Variants in LRP6 observed in about 807,000 individuals in gnomAD.
LRP6 encodes LDL receptor related protein 6.
A neutral mutation model predicts 184.1 loss-of-function variants in LRP6; 43 were observed. That is an observed-to-expected ratio of 0.23 (90% CI 0.18 to 0.30). The LOEUF (loss-of-function observed/expected upper bound fraction) is 0.30, where lower values mean the gene tolerates loss of function less well. Ranked by LOEUF, LRP6 falls within the 10% of genes least tolerant of loss-of-function variation. LRP6 has a pLI of 1.00. For synonymous variants in LRP6, 719 were observed against 684.9 expected (o/e 1.05, Z -0.78); for missense variants, 1,571 against 2,005.3 (o/e 0.78, Z 4.14).
chr12:12,266,349 T>C (rs1865759726), intron 1 of LRP6, among the ~76,000 whole-genome samples: 1 of 152,100 alleles, frequency 6.6e-6, no homozygotes, highest in Non-Finnish European at 1.5e-5. Context: ...AAGACCCTTT[T>C]CCCTGGAAGA....
chr12:12,240,219 T>C (rs910317393), intron 2 of LRP6, among the ~76,000 whole-genome samples: 4 of 152,180 alleles, frequency 2.6e-5, no homozygotes, highest in African/African-American at 9.7e-5. Flanking sequence ...TCCAAACATA[T>C]GTGAATCTAT....
intron 1 of LRP6, chr12:12,249,242 A>G (rs898182398): frequency 1.1e-6 from 1 of 901,220 alleles, no homozygotes; most frequent in Non-Finnish European, 1.8e-6. Context: ...TAAGATTTGT[A>G]ACAAAAAATT....
Position 12,183,960 on chromosome 12 carries a change from T to C in LRP6, c.976+20A>G. The C allele has an allele frequency of 6.2e-7, 1 of 1,610,472 alleles. No individual in the cohort carries two copies. Among genetic ancestry groups the C allele is most frequent in the Non-Finnish European group, 8.5e-7 (1 of 1,177,126 alleles). ...TTCCAATAGTTATAAAATTTTTCAT[T>C]TTGGATAATATCTTCTTACCATCTT... is the stretch of plus-strand genomic sequence containing the variant. On this transcript the variant is annotated intron_variant, in intron 5 of 22. Transcript: ENST00000261349.
chr12:12,155,209 A>AACAG, intron 12 of LRP6: 1 of 637,942 alleles, frequency 1.6e-6, no homozygotes, highest in Non-Finnish European at 2.9e-6. Flanking sequence ...CAAACAAACA[A>AACAG]ACAAACAAAA....
rs1365490176 is a variant in LRP6, at chr12:12,116,533, A to G, written c.*4593T>C. The G allele has an allele frequency of 6.6e-6, 1 of 152,170 alleles. No individual in the cohort carries two copies. Among genetic ancestry groups the G allele is most frequent in the Non-Finnish European group, 1.5e-5 (1 of 68,040 alleles). The allele number at this position is 152,170 out of a possible 1,614,324, so 9.4% of individuals were successfully genotyped here. A position where few individuals can be genotyped will look rare whatever the true frequency, so the allele number is the denominator to read the frequency against. On this transcript the variant is annotated 3_prime_UTR_variant, in exon 23 of 23. Coordinates refer to ENST00000261349, the MANE Select transcript of LRP6 (RefSeq NM_002336.3). ...ATATAGAATATGTATCTATATATAAATATATCTCTATCGCCCATCCTGCTT... is the reference window on the plus strand; with the variant it reads ...ATATAGAATATGTATCTATATATAAGTATATCTCTATCGCCCATCCTGCTT...
intron 15 of LRP6, among the ~76,000 whole-genome samples, chr12:12,139,361 A>G (rs938323237): frequency 2.6e-5 from 4 of 152,236 alleles, no homozygotes; most frequent in African/African-American, 9.6e-5. Context: ...CTGAGTCAAC[A>G]TTCAGATGGT....
At chr12:12,134,117 TAGTTCGAC>T (rs1591870799) in intron 17 of LRP6, among the ~76,000 whole-genome samples, 1 of 152,308 alleles carries the variant, frequency 6.6e-6, no homozygotes, top group East Asian at 1.9e-4. Context: ...AAAAAACTTA[TAGTTCGAC>T]GAATAAAATT....
At chr12:12,248,714 TC>T (rs1284648808) in intron 1 of LRP6, among the ~76,000 whole-genome samples, 1 of 152,034 alleles carries the variant, frequency 6.6e-6, no homozygotes, top group Admixed American at 6.6e-5. Flanking sequence ...TCTCCTGACC[TC>T]GTGATCCGCC....
rs145550760 is a variant in LRP6, at chr12:12,264,287, A to G, written c.55+2394T>C. On this transcript the variant is annotated intron_variant, in intron 1 of 22. Transcript: ENST00000261349. ...TATTATTTCATTTAAAACACCCAAT[A>G]ACCCTGCAAACTAGTCAGGTATCAT... Among the ~76,000 whole-genome samples, 11 of 152,334 alleles carry G rather than the reference A, an allele frequency of 7.2e-5. No homozygotes were observed. In the East Asian group the frequency reaches 2.1e-3, roughly 29 times the overall value.
Position 12,217,711 on chromosome 12 carries a change from G to T in LRP6, c.450-14311C>A, listed in dbSNP as rs1346245409. Among the ~76,000 whole-genome samples, 4 of 152,204 alleles carry T rather than the reference G, an allele frequency of 2.6e-5. No individual in the cohort carries two copies. In the East Asian group the frequency reaches 7.7e-4, roughly 29 times the overall value. ...ACATCTAGATAAATTTAAAAGAAAT[G>T]AAAATCCAAAAATAAACCCTTATAT... On this transcript the variant is annotated intron_variant, in intron 2 of 22. Transcript: ENST00000261349.
intron 3 of LRP6, among the ~76,000 whole-genome samples, chr12:12,192,532 T>C (rs2137017325): frequency 6.6e-6 from 1 of 152,086 alleles, no homozygotes; most frequent in East Asian, 1.9e-4. Flanking sequence ...AAAGCACATT[T>C]TACATTCAAA....
chr12:12,118,081 A>C lies in LRP6; in HGVS notation c.*3045T>G, dbSNP rs1216957447. On this transcript the variant is annotated 3_prime_UTR_variant, in exon 23 of 23. Coordinates refer to ENST00000261349, the MANE Select transcript of LRP6 (RefSeq NM_002336.3). ...CACAAGCTACTTTTATATTAAAATT[A>C]AAGTAACTACATAATCTTCTGCTAA... 6.6e-6 allele frequency: 1 copy of C among 152,232 alleles called. No homozygotes were observed. Among genetic ancestry groups the C allele is most frequent in the Non-Finnish European group, 1.5e-5 (1 of 68,036 alleles). The allele number at this position is 152,232 out of a possible 1,614,324, so 9.4% of individuals were successfully genotyped here.
chr12:12,219,044 C>G (rs1864420015), intron 2 of LRP6, among the ~76,000 whole-genome samples: 1 of 151,492 alleles, frequency 6.6e-6, no homozygotes, highest in Non-Finnish European at 1.5e-5. Context: ...TTGAGACCAG[C>G]CTGGCCGACA....
In LRP6 at chr12:12,164,956, G is replaced by T. The variant is rs370815583; in HGVS notation, c.1762+123C>A. The T allele has an allele frequency of 1.5e-4, 36 of 232,740 alleles. No homozygotes were observed. In the East Asian group the frequency reaches 3.6e-3, roughly 23 times the overall value. 14.4% of individuals were successfully genotyped at this position (232,740 alleles called of 1,614,324 possible). On this transcript the variant is annotated intron_variant, in intron 8 of 22. Transcript: ENST00000261349. ...AAAAAAAAAAAAAAAAAAAAAAAAA[G>T]GCGGGGGGGCAGTAAAGAAGGTTTC... is the stretch of plus-strand genomic sequence containing the variant.
chr12:12,171,002 C>T (rs886990415), intron 7 of LRP6, among the ~76,000 whole-genome samples: 1 of 152,054 alleles, frequency 6.6e-6, no homozygotes, highest in Non-Finnish European at 1.5e-5. Context: ...TATTAGAAAA[C>T]CCATTTCTGC....
chr12:12,239,642 C>A (rs1865009782), intron 2 of LRP6, among the ~76,000 whole-genome samples: 1 of 151,876 alleles, frequency 6.6e-6, no homozygotes, highest in Admixed American at 6.6e-5. Flanking sequence ...GCAGCCTATA[C>A]TCATAAAGGT....
intron 2 of LRP6, among the ~76,000 whole-genome samples, chr12:12,243,391 T>A (rs1161258999): frequency 1.3e-5 from 2 of 152,220 alleles, no homozygotes; most frequent in Non-Finnish European, 2.9e-5. Flanking sequence ...AAATAACGCT[T>A]CAGAGTGTAA....
chr12:12,208,261 T>C (rs1383053301), intron 2 of LRP6, among the ~76,000 whole-genome samples: 1 of 152,158 alleles, frequency 6.6e-6, no homozygotes, highest in African/African-American at 2.4e-5. Flanking sequence ...TCACAGTTAC[T>C]GGGGAGGAGT....
intron 7 of LRP6, among the ~76,000 whole-genome samples, chr12:12,173,214 T>A (rs1183711995): frequency 1.3e-5 from 2 of 152,204 alleles, no homozygotes; most frequent in African/African-American, 2.4e-5. Flanking sequence ...TATACTCAAC[T>A]GCTTCATAAG....
Sources: allele counts gnomAD v4.1 joint callset (sites outside exome capture counted in the v4.1 genomes callset), GRCh38; gene constraint gnomAD v4.1.1; transcripts MANE v1.5; gene names NCBI Gene and HGNC (gene_info 2026-07-23, HGNC 2026-07-21).